Variants in NPAT observed in about 807,000 individuals in gnomAD.
NPAT encodes nuclear protein, coactivator of histone transcription.
A neutral mutation model predicts 130.7 loss-of-function variants in NPAT; 52 were observed. The ratio of observed to expected loss-of-function variants is 0.40; its 90% CI spans 0.32 to 0.50. The LOEUF is 0.50. NPAT is among the 20% of genes least tolerant of loss of function. The probability of loss-of-function intolerance (pLI) is 0.68; values close to 1 mark genes in which losing one functional copy is unlikely to be tolerated. For missense variants in NPAT, 1,687 were observed against 1,662.6 expected (o/e 1.01, Z -0.26); for synonymous variants, 580 against 584.8 (o/e 0.99, Z 0.12).
Position 108,172,650 on chromosome 11 carries a change from T to C in NPAT, c.2334A>G (p.Lys778=). The part of the protein sequence containing the change: ...LPTIILSSPT[K]SPTKNAELVK... ...CTAGTTCTGCATTTTTAGTAGGTGATTTAGTAGGAGAAGACAAGATTATAG... is the reference window on the plus strand; with the variant it reads ...CTAGTTCTGCATTTTTAGTAGGTGACTTAGTAGGAGAAGACAAGATTATAG... The change falls in exon 13 of 18, where the codon AAA becomes AAG. Residue 778 remains lysine, a synonymous_variant. Transcript: ENST00000278612. 6.2e-7 allele frequency: 1 copy of C among 1,614,144 alleles called. No individual in the cohort carries two copies. Among genetic ancestry groups the C allele is most frequent in the Non-Finnish European group, 8.5e-7 (1 of 1,180,012 alleles).
rs753233707 is a variant in NPAT at position 108,188,213 on chromosome 11, G to A, written c.557-34C>T. The A allele has an allele frequency of 4.1e-6, 6 of 1,475,296 alleles. No homozygotes were observed. The South Asian group carries it at 6.8e-5, about 17-fold the overall frequency. 91.4% of individuals were successfully genotyped at this position (1,475,296 alleles called of 1,614,324 possible). A position where few individuals can be genotyped will look rare whatever the true frequency, so the allele number is the denominator to read the frequency against. On this transcript the variant is annotated intron_variant, in intron 6 of 17. Transcript: ENST00000278612. Reference sequence around the variant, plus strand: ...CAAGAAAACATAACAGTAAGCCAAAGAAACTGAATAGTTTTCTAAACTTGT... The same window carrying A: ...CAAGAAAACATAACAGTAAGCCAAAAAAACTGAATAGTTTTCTAAACTTGT...
At chr11:108,186,695 A>AG in intron 7 of NPAT, 126 bp from the exon 8 acceptor site, 2 of 809,972 alleles carry the variant, frequency 2.5e-6, no homozygotes, top group Non-Finnish European at 2.0e-6. Context: ...CTGTATCTGC[A>AG]GGGGGCTGGT....
chr11:108,160,413 G>A (rs1003859749), intron 17 of NPAT, among the ~76,000 whole-genome samples: 17 of 151,886 alleles, frequency 1.1e-4, no homozygotes, highest in African/African-American at 2.2e-4. Flanking sequence ...ATTACAAGAC[G>A]TGGGGGAAAA....
At chr11:108,181,298 T>C (rs1354252590) in intron 10 of NPAT, among the ~76,000 whole-genome samples, 1 of 152,148 alleles carries the variant, frequency 6.6e-6, no homozygotes, top group African/African-American at 2.4e-5. Context: ...ACCCTGTCTC[T>C]ACTGAAAACA....
intron 1 of NPAT, 22 bp downstream of exon 1, chr11:108,222,474 ACCCT>A: frequency 6.2e-7 from 1 of 1,612,758 alleles, no homozygotes. Flanking sequence ...GGGTCCAATA[ACCCT>A]CCATCCCGCG....
In NPAT at chr11:108,222,581, T is replaced by C; in HGVS notation, c.-45A>G. On this transcript the variant is annotated 5_prime_UTR_variant, in exon 1 of 18. Transcript: ENST00000278612. Reference sequence around the variant, plus strand: ...ACCACAATAAGGAACAAGACTCAGGTTAAAGCAAACACAGCGACAGCTCCT... The same window carrying C: ...ACCACAATAAGGAACAAGACTCAGGCTAAAGCAAACACAGCGACAGCTCCT... 5 of 1,610,438 alleles carry C rather than the reference T, an allele frequency of 3.1e-6. No homozygotes were observed. The highest frequency in any genetic ancestry group is 4.2e-6 in the Non-Finnish European group (5 of 1,177,460).
At chr11:108,201,869 T>C (rs374319311) in intron 1 of NPAT, among the ~76,000 whole-genome samples, 2 of 152,302 alleles carry the variant, frequency 1.3e-5, no homozygotes, top group East Asian at 1.9e-4. Flanking sequence ...TATGAACAGA[T>C]AGTAGTGCAA....
At chr11:108,170,593 G>A (rs975782138) in intron 13 of NPAT, among the ~76,000 whole-genome samples, 3 of 152,190 alleles carry the variant, frequency 2.0e-5, no homozygotes, top group African/African-American at 4.8e-5. Context: ...GTCCTCAGAA[G>A]TCAACAACAT....
rs377220441 is a variant in NPAT at position 108,172,511 on chromosome 11, T to C, written c.2473A>G (p.Asn825Asp). 3.1e-6 allele frequency: 5 copies of C among 1,614,078 alleles called. No individual in the cohort carries two copies. The highest frequency in any genetic ancestry group is 4.2e-6 in the Non-Finnish European group (5 of 1,180,038). Residue 825 changes from asparagine to aspartate, a missense_variant, in exon 13 of 18, where the codon AAC becomes GAC. Asn to Asp is a conservative substitution (Grantham distance 23). Transcript: ENST00000278612. ...ATGCCATCTTCATTCTGAGTATTGT[T>C]TACTGCAGAGTCTTCAGATTTGAAT... ...LTFKSEDSAV[N>D]NTQNEDGIAF...
At chr11:108,216,055 G>C (rs1403376343) in intron 1 of NPAT, among the ~76,000 whole-genome samples, 2 of 152,120 alleles carry the variant, frequency 1.3e-5, no homozygotes, top group East Asian at 3.8e-4. Context: ...AGGTGAGTTA[G>C]CTGTTACTAG....
Position 108,173,600 on chromosome 11 carries a change from C to T in NPAT, c.1384G>A (p.Glu462Lys), listed in dbSNP as rs371261674. ...DFNQRGNSNA[E>K]CNPHCAELYT... ...AATTCAGCACAATGTGGATTACATT[C>T]AGCATTAGAATTCCCTCTTTGGTTA... Residue 462 changes from glutamate to lysine, a missense_variant, in exon 13 of 18, where the codon GAA becomes AAA. Around this residue, in one of 3 missense-constraint regions of NPAT, gnomAD observed 1,379 missense variants for 1,346.6 expected, o/e 1.02. Coordinates refer to ENST00000278612, the MANE Select transcript of NPAT (RefSeq NM_002519.3). 238 of 1,614,054 alleles carry T rather than the reference C, an allele frequency of 1.5e-4. No individual in the cohort carries two copies. The highest frequency in any genetic ancestry group is 2.7e-4 in the Admixed American group (16 of 60,012).
chr11:108,176,163 TCCA>T (rs2078003890), intron 12 of NPAT, 80 bp downstream of exon 12: 1 of 1,061,332 alleles, frequency 9.4e-7, no homozygotes, highest in South Asian at 1.3e-5. Flanking sequence ...AACTTCTACT[TCCA>T]AATTAATATT....
At chr11:108,203,567 C>G (rs2078295700) in intron 1 of NPAT, among the ~76,000 whole-genome samples, 1 of 152,222 alleles carries the variant, frequency 6.6e-6, no homozygotes, top group African/African-American at 2.4e-5. Flanking sequence ...AGACCTCAAG[C>G]TAAATGACAA....
intron 2 of NPAT, among the ~76,000 whole-genome samples, chr11:108,195,292 G>A (rs921768015): frequency 6.6e-6 from 1 of 152,168 alleles, no homozygotes; most frequent in African/African-American, 2.4e-5. Context: ...GCCACTGTAT[G>A]ACTTTTAATT....
At chr11:108,190,346 AACAGTAGTTTAAGG>A in intron 5 of NPAT, 100 bp downstream of exon 5, 1 of 753,292 alleles carries the variant, frequency 1.3e-6, no homozygotes, top group Admixed American at 2.7e-5. Flanking sequence ...AAGAAAGAAA[AACAGTAGTTTAAGG>A]AAAATATATA....
At chr11:108,189,047 T>G in intron 6 of NPAT, 59 bp downstream of exon 6, 1 of 1,321,028 alleles carries the variant, frequency 7.6e-7, no homozygotes, top group Non-Finnish European at 1.1e-6. Context: ...ATTAGTATAT[T>G]ATCTCATTCA....
At position 108,173,646 on chromosome 11, in the gene NPAT, G is replaced by C. The variant is rs577691381; in HGVS notation, c.1338C>G (p.Ser446=). 4 of 1,614,082 alleles carry C rather than the reference G, an allele frequency of 2.5e-6. No homozygotes were observed. Among genetic ancestry groups the C allele is most frequent in the Non-Finnish European group, 3.4e-6 (4 of 1,180,004 alleles). The part of the protein sequence containing the change: ...QKCDIDITFE[S]VPNLNDFNQR... ...GGTTAAAGTCATTCAAATTAGGCAC[G>C]GACTCAAAGGTAATGTCAATGTCAC... Residue 446 remains serine (S), a synonymous_variant, in exon 13 of 18, where the codon TCC becomes TCG. Coordinates refer to ENST00000278612, the MANE Select transcript of NPAT (RefSeq NM_002519.3).
chr11:108,219,122 T>C (rs1468492678), intron 1 of NPAT, among the ~76,000 whole-genome samples: 1 of 152,114 alleles, frequency 6.6e-6, no homozygotes, highest in African/African-American at 2.4e-5. Flanking sequence ...TAGGCAATGT[T>C]CCCCAAGCTC....
At position 108,161,907 on chromosome 11, in the gene NPAT, T is replaced by C. The variant is rs1790643623; in HGVS notation, c.3179A>G (p.His1060Arg). Residue 1060 changes from histidine (H) to arginine (R), a missense_variant, in exon 17 of 18, where the codon CAC becomes CGC. Coordinates refer to ENST00000278612, the MANE Select transcript of NPAT (RefSeq NM_002519.3). ...GCTGTCGAAACAGAGTACACGTCTG[T>C]GGCATGGTTTAGCAGCTGGAACTAT... ...ESIVPAAKPC[H>R]RRVLCFDSTT... 1.9e-6 allele frequency: 3 copies of C among 1,612,464 alleles called. No individual in the cohort carries two copies. The highest frequency in any genetic ancestry group is 2.5e-6 in the Non-Finnish European group (3 of 1,179,094).
Sources: allele counts gnomAD v4.1 joint callset (sites outside exome capture counted in the v4.1 genomes callset), GRCh38; gene constraint gnomAD v4.1.1; regional missense constraint gnomAD v4.1.1; transcripts MANE v1.5; gene names NCBI Gene and HGNC (gene_info 2026-07-23, HGNC 2026-07-21).